The following CDH17 variants were observed in gnomAD, a reference collection of about 807,000 sequenced individuals.
CDH17 encodes cadherin-17.
Under a neutral mutation model 86.3 loss-of-function variants are expected in CDH17, and 67 were observed. The observed-to-expected ratio is 0.78, with a 90% confidence interval of 0.64 to 0.95. The LOEUF (loss-of-function observed/expected upper bound fraction) is 0.95, where lower values mean the gene tolerates loss of function less well. Ranked by LOEUF, CDH17 falls within the 40% of genes least tolerant of loss-of-function variation. The probability of loss-of-function intolerance (pLI) is 0.00; values close to 1 mark genes in which losing one functional copy is unlikely to be tolerated. For missense variants in CDH17, 993 were observed against 1,017.6 expected (o/e 0.98, Z 0.33); for synonymous variants, 367 against 366.4 (o/e 1.00, Z -0.02).
intron 1 of CDH17, among the ~76,000 whole-genome samples, chr8:94,198,105 T>G (rs954675717): frequency 6.6e-6 from 1 of 152,080 alleles, no homozygotes; most frequent in Non-Finnish European, 1.5e-5. Context: ...ACATAGAGCA[T>G]GGACAGAGAT....
chr8:94,148,999 A>G, intron 13 of CDH17, 125 bp from the exon 14 acceptor site: 1 of 659,516 alleles, frequency 1.5e-6, no homozygotes. Context: ...TATACAAATG[A>G]TAATGCTGAG....
chr8:94,195,418 A>G (rs998069844), intron 1 of CDH17, among the ~76,000 whole-genome samples: 2 of 152,224 alleles, frequency 1.3e-5, no homozygotes, highest in East Asian at 3.8e-4. Context: ...AAAGAACTAA[A>G]GAATGCTCAC....
intron 15 of CDH17, among the ~76,000 whole-genome samples, chr8:94,134,003 GCCAA>G (rs1812471405): frequency 6.6e-6 from 1 of 152,200 alleles, no homozygotes; most frequent in South Asian, 2.1e-4. Context: ...CAGGGATGAA[GCCAA>G]CTTGATTGTG....
At chr8:94,153,943 A>T (rs1311183987) in intron 12 of CDH17, among the ~76,000 whole-genome samples, 1 of 152,230 alleles carries the variant, frequency 6.6e-6, no homozygotes, top group Non-Finnish European at 1.5e-5. Context: ...AGTTAGAAGG[A>T]ATGAGTTTAA....
chr8:94,165,899 C>T lies in CDH17; in HGVS notation c.1144G>A (p.Val382Met), dbSNP rs1208818223. The change falls in exon 10 of 18, where the codon GTG becomes ATG. Residue 382 changes from valine (V) to methionine (M), a missense_variant. Transcript: ENST00000027335. ...ATGGGAAGTTTGGGAGTTTGCTCCACAATCCTGTAGTTTAGAAAACTGTTG... is the reference window on the plus strand; with the variant it reads ...ATGGGAAGTTTGGGAGTTTGCTCCATAATCCTGTAGTTTAGAAAACTGTTG... ...TANSFLNYRI[V>M]EQTPKLPMDG... The T allele has an allele frequency of 2.5e-6, 4 of 1,613,908 alleles. No individual in the cohort carries two copies. The highest frequency in any genetic ancestry group is 3.4e-6 in the Non-Finnish European group (4 of 1,179,856).
At chr8:94,202,203 T>G (rs1414582071) in intron 1 of CDH17, 1 of 151,874 alleles carries the variant, frequency 6.6e-6, no homozygotes, top group African/African-American at 2.4e-5. Context: ...ACAGTCTTGC[T>G]CTGATGCCCA....
intron 1 of CDH17, among the ~76,000 whole-genome samples, chr8:94,215,494 G>A (rs781661424): frequency 6.6e-5 from 10 of 152,184 alleles, no homozygotes; most frequent in Admixed American, 1.3e-4. Flanking sequence ...GGGGGGCAGA[G>A]GGGGAATTTA....
At chr8:94,152,224 T>A in intron 12 of CDH17, 112 bp from the exon 13 acceptor site, 1 of 1,124,188 alleles carries the variant, frequency 8.9e-7, no homozygotes, top group Admixed American at 2.4e-5. Context: ...TTGGAAAAAC[T>A]GGATATCCAC....
At chr8:94,146,756 G>A (rs568550051) in intron 14 of CDH17, among the ~76,000 whole-genome samples, 1 of 152,166 alleles carries the variant, frequency 6.6e-6, no homozygotes, top group Admixed American at 6.5e-5. Flanking sequence ...TAGCACCTAC[G>A]TTATAGTGTT....
chr8:94,205,786 A>G (rs932063700), intron 1 of CDH17, among the ~76,000 whole-genome samples: 24 of 152,208 alleles, frequency 1.6e-4, no homozygotes, highest in Non-Finnish European at 4.4e-5. Context: ...ACTTACTTGA[A>G]CAACACAATC....
intron 14 of CDH17, among the ~76,000 whole-genome samples, chr8:94,146,439 G>A (rs540772728): frequency 1.3e-5 from 2 of 152,306 alleles, no homozygotes; most frequent in Non-Finnish European, 2.9e-5. Flanking sequence ...CTTGCCCAAG[G>A]CAGAGAGGTT....
intron 10 of CDH17, among the ~76,000 whole-genome samples, chr8:94,164,723 C>A (rs760561695): frequency 6.6e-6 from 1 of 152,190 alleles, no homozygotes; most frequent in Non-Finnish European, 1.5e-5. Context: ...AGAACAATTA[C>A]TGAATTATAT....
At chr8:94,189,447 A>G (rs1402380566) in intron 2 of CDH17, among the ~76,000 whole-genome samples, 162 bp from the exon 3 acceptor site, 3 of 152,158 alleles carry the variant, frequency 2.0e-5, no homozygotes, top group South Asian at 4.1e-4. Context: ...AAGCTCTACC[A>G]CGTCAAAGTA....
intron 9 of CDH17, among the ~76,000 whole-genome samples, chr8:94,167,025 A>C (rs991142226): frequency 1.3e-5 from 2 of 152,298 alleles, no homozygotes; most frequent in African/African-American, 4.8e-5. Context: ...GCTAATACAC[A>C]TGGCAAATGG....
In CDH17 at chr8:94,151,806, C is replaced by T. The variant is rs929719566; in HGVS notation, c.1796+62G>A. 5 of 1,605,048 alleles carry T rather than the reference C, an allele frequency of 3.1e-6. No individual in the cohort carries two copies. In the African/African-American group the frequency reaches 6.7e-5, roughly 21 times the overall value. On this transcript the variant is annotated intron_variant, in intron 13 of 17. Coordinates refer to ENST00000027335, the MANE Select transcript of CDH17 (RefSeq NM_004063.4). The stretch of plus-strand genomic sequence containing the variant: ...CTGGAGTCAGTGCAGGCCAGCTCCT[C>T]CTCCTCCCCATTGGCTTTGGTGACC...
chr8:94,154,055 T>C (rs1042076347), intron 12 of CDH17, among the ~76,000 whole-genome samples: 1 of 152,216 alleles, frequency 6.6e-6, no homozygotes, highest in African/African-American at 2.4e-5. Flanking sequence ...CAAAAAATGA[T>C]AAGTGAGGTA....
rs571704597 is a variant in CDH17, at chr8:94,136,152, G to T, written c.2168-5160C>A. On this transcript the variant is annotated intron_variant, in intron 15 of 17. Transcript: ENST00000027335. The stretch of plus-strand genomic sequence containing the variant: ...GTGTCTTGGGGTTGCTCTTCTCGAG[G>T]AGTATCTTTGTGGTGGTCTCTGTAT... 9.9e-5 allele frequency among the ~76,000 whole-genome samples: 15 copies of T among 152,228 alleles called. No homozygotes were observed. The East Asian group carries it at 2.9e-3, about 29-fold the overall frequency.
chr8:94,200,775 G>A (rs947052660), intron 1 of CDH17, among the ~76,000 whole-genome samples: 2 of 151,606 alleles, frequency 1.3e-5, no homozygotes, highest in Admixed American at 6.6e-5. Flanking sequence ...ATCCCGCCGC[G>A]GCCTGGATCT....
chr8:94,158,635 T>A (rs1444484205), intron 12 of CDH17, among the ~76,000 whole-genome samples: 1 of 152,176 alleles, frequency 6.6e-6, no homozygotes, highest in Non-Finnish European at 1.5e-5. Flanking sequence ...GTATTCTCTC[T>A]CCATGCAGAC....
Sources: allele counts gnomAD v4.1 joint callset (sites outside exome capture counted in the v4.1 genomes callset), GRCh38; gene constraint gnomAD v4.1.1; transcripts MANE v1.5; gene names NCBI Gene and HGNC (gene_info 2026-07-23, HGNC 2026-07-21).